Variants in PCDHA4 observed in about 807,000 individuals in gnomAD.
PCDHA4 encodes protocadherin alpha-4.
Under a neutral mutation model 61.4 loss-of-function variants are expected in PCDHA4, and 49 were observed. That is an observed-to-expected ratio of 0.80 (90% confidence interval 0.63 to 1.01). The LOEUF (loss-of-function observed/expected upper bound fraction) is 1.01. Among genes scored for constraint, PCDHA4 ranks in the 50% least tolerant of loss-of-function variants. The pLI is 0.00. For missense variants in PCDHA4, 1,254 were observed against 1,235.8 expected (o/e 1.01, Z -0.22); for synonymous variants, 590 against 550.3 (o/e 1.07, Z -1.01).
chr5:140,843,597 G>A, intron 1 of PCDHA4: 1 of 1,596,060 alleles, frequency 6.3e-7, no homozygotes. Flanking sequence ...CAGAGGGTGT[G>A]CTCTGGTGAG....
chr5:140,883,336 A>G, intron 1 of PCDHA4: 1 of 1,613,866 alleles, frequency 6.2e-7, no homozygotes, highest in Non-Finnish European at 8.5e-7. Flanking sequence ...CTTCTTTGTC[A>G]CTCCCCATCA....
At chr5:140,874,124 T>C (rs926046559) in intron 1 of PCDHA4, among the ~76,000 whole-genome samples, 1 of 152,266 alleles carries the variant, frequency 6.6e-6, no homozygotes, top group Non-Finnish European at 1.5e-5. Flanking sequence ...TTATAGTTTA[T>C]TTAAGTTATC....
intron 1 of PCDHA4, among the ~76,000 whole-genome samples, chr5:140,902,203 C>CTTTTTTTTTTTTT (rs148688132): frequency 8.0e-6 from 1 of 124,460 alleles, no homozygotes; most frequent in African/African-American, 3.1e-5. Context: ...CTCTCTCTTT[C>CTTTTTTTTTTTTT]TTTTTTTTTT....
chr5:140,903,908 T>G (rs1248455998), intron 1 of PCDHA4, among the ~76,000 whole-genome samples: 2 of 152,242 alleles, frequency 1.3e-5, no homozygotes, highest in East Asian at 1.9e-4. Flanking sequence ...GTCAATGATG[T>G]GACTTCCTTG....
intron 1 of PCDHA4, among the ~76,000 whole-genome samples, chr5:140,871,869 T>C (rs1230282991): frequency 6.6e-6 from 1 of 152,230 alleles, no homozygotes; most frequent in Non-Finnish European, 1.5e-5. Context: ...TATGGATTAT[T>C]TAAATTTGCT....
intron 2 of PCDHA4, among the ~76,000 whole-genome samples, chr5:140,980,152 C>G (rs1554241475): frequency 6.6e-6 from 1 of 152,040 alleles, no homozygotes; most frequent in African/African-American, 2.4e-5. Context: ...CATGCATATA[C>G]CAGAATATTA....
rs2150120933 is a variant in PCDHA4, at chr5:140,822,977, A to G, written c.2385+13405A>G. On this transcript the variant is annotated intron_variant, in intron 1 of 3. Coordinates refer to ENST00000530339, the MANE Select transcript of PCDHA4 (RefSeq NM_018907.4). Reference sequence around the variant, plus strand: ...CCCTTCAAGCTGGTGTCCACCTTCAAGAATTACTACTCGTTGGTGCTGGAC... The same window carrying G: ...CCCTTCAAGCTGGTGTCCACCTTCAGGAATTACTACTCGTTGGTGCTGGAC... The G allele has an allele frequency of 1.4e-5, 22 of 1,614,094 alleles. No individual in the cohort carries two copies. Among genetic ancestry groups the G allele is most frequent in the South Asian group, 4.4e-5 (4 of 91,090 alleles).
At chr5:140,967,380 A>C in intron 1 of PCDHA4, 3 of 1,608,302 alleles carry the variant, frequency 1.9e-6, no homozygotes, top group Non-Finnish European at 2.6e-6. Flanking sequence ...GAGAACAGTA[A>C]AGTGCTTGAG....
intron 1 of PCDHA4, among the ~76,000 whole-genome samples, chr5:140,958,384 C>G (rs1352428582): frequency 6.6e-6 from 1 of 152,098 alleles, no homozygotes; most frequent in Non-Finnish European, 1.5e-5. Context: ...ATTTTCTTAA[C>G]AGGTCATCAA....
chr5:140,822,978 G>A (rs2150120962), intron 1 of PCDHA4: 13 of 1,614,232 alleles, frequency 8.1e-6, no homozygotes, highest in Non-Finnish European at 1.0e-5. Flanking sequence ...CCACCTTCAA[G>A]AATTACTACT....
chr5:140,878,408 T>G (rs1554170402), intron 1 of PCDHA4, among the ~76,000 whole-genome samples: 2 of 152,244 alleles, frequency 1.3e-5, no homozygotes, highest in Non-Finnish European at 2.9e-5. Context: ...AAATATCTTC[T>G]TTATTTCAAG....
chr5:140,919,335 G>A (rs1347619989), intron 1 of PCDHA4, among the ~76,000 whole-genome samples: 2 of 152,122 alleles, frequency 1.3e-5, no homozygotes, highest in African/African-American at 4.8e-5. Context: ...CTTTCAATCT[G>A]TTTGTATCTT....
intron 1 of PCDHA4, among the ~76,000 whole-genome samples, chr5:140,819,138 A>G (rs1283315927): frequency 6.6e-6 from 1 of 152,218 alleles, no homozygotes; most frequent in Non-Finnish European, 1.5e-5. Context: ...ATAATAGAAT[A>G]AATTAATTTT....
chr5:141,004,369 C>A (rs1239142670), intron 3 of PCDHA4, among the ~76,000 whole-genome samples: 1 of 152,206 alleles, frequency 6.6e-6, no homozygotes, highest in Non-Finnish European at 1.5e-5. Flanking sequence ...ACACCTTGTT[C>A]TGCTCTGCGG....
At chr5:140,827,915 C>A in intron 1 of PCDHA4, 1 of 875,402 alleles carries the variant, frequency 1.1e-6, no homozygotes, top group Non-Finnish European at 1.8e-6. Flanking sequence ...CATGATGTCG[C>A]TGTCTACCAT....
chr5:140,887,537 C>A (rs530539711), intron 1 of PCDHA4, among the ~76,000 whole-genome samples: 7 of 152,132 alleles, frequency 4.6e-5, no homozygotes, highest in African/African-American at 7.2e-5. Flanking sequence ...TTCCTCTCCC[C>A]ACCCCTCATG....
At chr5:140,843,337 C>T in intron 1 of PCDHA4, 4 of 1,596,000 alleles carry the variant, frequency 2.5e-6, no homozygotes, top group Non-Finnish European at 8.6e-7. Context: ...TGGTGGAGAG[C>T]GGCCAGGCTC....
chr5:140,831,514 C>A (rs2150195382), intron 1 of PCDHA4, among the ~76,000 whole-genome samples: 1,950 of 132,850 alleles, frequency 0.015, 29 homozygotes, highest in African/African-American at 0.055. Flanking sequence ...CCACCATGCC[C>A]CCCACCTTTT....
chr5:140,812,651 G>A (rs1235837945), intron 1 of PCDHA4: 1 of 152,044 alleles, frequency 6.6e-6, no homozygotes, highest in Non-Finnish European at 1.5e-5. Context: ...TAAGAGACAA[G>A]ATCTCACTAT....
Sources: allele counts gnomAD v4.1 joint callset (sites outside exome capture counted in the v4.1 genomes callset), GRCh38; gene constraint gnomAD v4.1.1; transcripts MANE v1.5; gene names NCBI Gene and HGNC (gene_info 2026-07-23, HGNC 2026-07-21).